ATP9B: variants seen among roughly 807,000 people sequenced by gnomAD.
ATP9B encodes ATPase phospholipid transporting 9B.
ATP9B carries 110 observed loss-of-function variants against 146.1 expected under a neutral mutation model. The ratio of observed to expected loss-of-function variants is 0.75; its 90% CI spans 0.65 to 0.88. The LOEUF is 0.88. ATP9B is among the 40% of genes least tolerant of loss of function. The pLI is 0.00. For synonymous variants in ATP9B, 604 were observed against 569.7 expected (o/e 1.06, Z -0.86); for missense variants, 1,499 against 1,496.4 (o/e 1.00, Z -0.03).
At chr18:79,366,242 C>T (rs911578376) in intron 26 of ATP9B, among the ~76,000 whole-genome samples, 4 of 152,144 alleles carry the variant, frequency 2.6e-5, no homozygotes, top group South Asian at 4.2e-4. Context: ...CTGTCTGGCG[C>T]GGTGGTGGCG....
intron 7 of ATP9B, among the ~76,000 whole-genome samples, chr18:79,160,609 A>C (rs558307027): frequency 6.6e-6 from 1 of 152,360 alleles, no homozygotes; most frequent in Non-Finnish European, 1.5e-5. Context: ...ATTGTGTTAG[A>C]AGATAAATTA....
chr18:79,107,510 G>C lies in ATP9B; in HGVS notation c.294-2845G>C, dbSNP rs571952095. 7.9e-5 allele frequency among the ~76,000 whole-genome samples: 12 copies of C among 152,218 alleles called. No homozygotes were observed. In the East Asian group the frequency reaches 1.7e-3, roughly 22 times the overall value. ...GCAGGAGAGTGAAGACCGAGGCCTC[G>C]GGGGCTTCCTCCGTGGGCGGCATTG... On this transcript the variant is annotated intron_variant, in intron 2 of 29. Coordinates refer to ENST00000426216, the MANE Select transcript of ATP9B (RefSeq NM_198531.5).
At chr18:79,366,588 G>A (rs1009096487) in intron 26 of ATP9B, among the ~76,000 whole-genome samples, 1 of 152,184 alleles carries the variant, frequency 6.6e-6, no homozygotes, top group African/African-American at 2.4e-5. Context: ...TTGGGCTTGT[G>A]GTTTCTGTGA....
In ATP9B at chr18:79,143,812, A is replaced by G. The variant is rs766524081; in HGVS notation, c.678A>G (p.Gln226=). ...TCTTCTTTTTTTAAGGTAAAGTGCA[A>G]GTTAAGAGTTCAGACATACAAGTTG... ...YSKLTVRGKV[Q]VKSSDIQVGD... Residue 226 remains glutamine, a synonymous_variant, in exon 6 of 30, where the codon CAA becomes CAG. Coordinates refer to ENST00000426216, the MANE Select transcript of ATP9B (RefSeq NM_198531.5). 6.3e-7 allele frequency: 1 copy of G among 1,581,604 alleles called. No homozygotes were observed. Among genetic ancestry groups the G allele is most frequent in the Middle Eastern group, 1.7e-4 (1 of 5,946 alleles).
intron 25 of ATP9B, among the ~76,000 whole-genome samples, chr18:79,354,860 A>G (rs1017027791): frequency 6.6e-6 from 1 of 152,242 alleles, no homozygotes; most frequent in Non-Finnish European, 1.5e-5. Context: ...AGCCTCTCCA[A>G]CCGTGGGTCC....
At chr18:79,173,873 A>G (rs1173299797) in intron 7 of ATP9B, 2 of 401,890 alleles carry the variant, frequency 5.0e-6, no homozygotes, top group African/African-American at 2.1e-5. Context: ...AATCTTGCCT[A>G]TATCTTTAAA....
chr18:79,190,302 T>A (rs56079500), intron 8 of ATP9B, among the ~76,000 whole-genome samples: 1,846 of 151,850 alleles, frequency 0.012, 14 homozygotes, highest in Middle Eastern at 0.02. Flanking sequence ...TTTAAACATT[T>A]AAAAAAAAAT....
At chr18:79,226,598 C>T (rs1461793689) in intron 11 of ATP9B, among the ~76,000 whole-genome samples, 2 of 152,200 alleles carry the variant, frequency 1.3e-5, no homozygotes, top group Non-Finnish European at 2.9e-5. Context: ...TCATCTTCCA[C>T]GAGACTTCCC....
At position 79,194,779 on chromosome 18, in the gene ATP9B, G is replaced by A. The variant is rs186826903; in HGVS notation, c.954+1516G>A. On this transcript the variant is annotated intron_variant, in intron 9 of 29. Transcript: ENST00000426216. ...AAAATACTGTGAACTTCAATTTACT[G>A]TAAGTGGGGAAAATATCCAAAATAA... 4.4e-3 allele frequency among the ~76,000 whole-genome samples: 670 copies of A among 152,154 alleles called. 5 individuals are homozygous for A. Among genetic ancestry groups the A allele is most frequent in the South Asian group, 7.5e-3 (36 of 4,822 alleles).
At chr18:79,341,404 G>A (rs1254173546) in intron 19 of ATP9B, among the ~76,000 whole-genome samples, 1 of 109,054 alleles carries the variant, frequency 9.2e-6, no homozygotes, top group Non-Finnish European at 1.9e-5. Flanking sequence ...GTTGAAGCCT[G>A]TGTTGCCGAC....
At chr18:79,198,669 C>T (rs4799021) in intron 9 of ATP9B, among the ~76,000 whole-genome samples, 8 of 151,900 alleles carry the variant, frequency 5.3e-5, no homozygotes, top group Non-Finnish European at 7.4e-5. Flanking sequence ...GGGCAGTTGT[C>T]ACACAATGAT....
intron 11 of ATP9B, among the ~76,000 whole-genome samples, chr18:79,220,417 A>G (rs1406088042): frequency 6.6e-6 from 1 of 152,124 alleles, no homozygotes; most frequent in Non-Finnish European, 1.5e-5. Flanking sequence ...CCTGGGCAAC[A>G]TGGCAAAACC....
intron 12 of ATP9B, among the ~76,000 whole-genome samples, chr18:79,265,772 A>G (rs1398910486): frequency 6.6e-6 from 1 of 151,878 alleles, no homozygotes; most frequent in Non-Finnish European, 1.5e-5. Context: ...ATCTTCACCC[A>G]TGCCTGTGTC....
intron 5 of ATP9B, among the ~76,000 whole-genome samples, chr18:79,132,648 A>T (rs1443600198): frequency 6.6e-6 from 1 of 152,154 alleles, no homozygotes; most frequent in African/African-American, 2.4e-5. Flanking sequence ...TTTAAAATTT[A>T]CTTTTTTATT....
intron 6 of ATP9B, among the ~76,000 whole-genome samples, chr18:79,153,793 G>A (rs1018252011): frequency 3.3e-5 from 5 of 151,596 alleles, no homozygotes; most frequent in Non-Finnish European, 5.9e-5. Flanking sequence ...TGAGACCACA[G>A]GCATGCCACC....
chr18:79,127,676 G>A (rs571358314), intron 5 of ATP9B, among the ~76,000 whole-genome samples: 6 of 152,296 alleles, frequency 3.9e-5, no homozygotes, highest in South Asian at 2.1e-4. Context: ...GGACATTTGT[G>A]TACAAGCTTT....
chr18:79,136,337 T>C (rs182035973), intron 5 of ATP9B, among the ~76,000 whole-genome samples: 23 of 152,252 alleles, frequency 1.5e-4, no homozygotes, highest in African/African-American at 5.5e-4. Context: ...TTCTCAGCAG[T>C]GTTTTGTTGT....
chr18:79,322,283 C>G (rs570586044), intron 15 of ATP9B, among the ~76,000 whole-genome samples: 1 of 152,362 alleles, frequency 6.6e-6, no homozygotes, highest in East Asian at 1.9e-4. Context: ...GCATGGAATT[C>G]CAGAGTTGTA....
intron 12 of ATP9B, among the ~76,000 whole-genome samples, chr18:79,262,811 C>T (rs999333104): frequency 3.9e-5 from 6 of 152,178 alleles, no homozygotes; most frequent in African/African-American, 9.7e-5. Flanking sequence ...GTGCCATACA[C>T]GCTTAAGATG....
Sources: allele counts gnomAD v4.1 joint callset (sites outside exome capture counted in the v4.1 genomes callset), GRCh38; gene constraint gnomAD v4.1.1; transcripts MANE v1.5; gene names NCBI Gene and HGNC (gene_info 2026-07-23, HGNC 2026-07-21).